TGM5: variants seen among roughly 807,000 people sequenced by gnomAD.
TGM5 encodes transglutaminase 5.
A neutral mutation model predicts 77.2 loss-of-function variants in TGM5; 69 were observed. The ratio of observed to expected loss-of-function variants is 0.89; its 90% confidence interval spans 0.74 to 1.09. The LOEUF is 1.09. TGM5 is among the 50% of genes least tolerant of loss of function. TGM5 has a pLI of 0.00. For synonymous variants in TGM5, 346 were observed against 351.8 expected (o/e 0.98, Z 0.18); for missense variants, 842 against 896.5 (o/e 0.94, Z 0.78).
intron 11 of TGM5, 76 bp downstream of exon 11, chr15:43,234,693 G>T (rs577743459): frequency 6.3e-7 from 1 of 1,586,802 alleles, no homozygotes; most frequent in African/African-American, 1.3e-5. Flanking sequence ...GGCCCAGGCT[G>T]CCCTCTCACA....
rs1187953598 is a variant in TGM5 at position 43,253,621 on chromosome 15, A to AT, written c.568dup (p.Ile190AsnfsTer18). 2.5e-6 allele frequency: 4 copies of AT among 1,613,400 alleles called. No individual in the cohort carries two copies. Among genetic ancestry groups the AT allele is most frequent in the Non-Finnish European group, 1.7e-6 (2 of 1,180,012 alleles). ...TAGCAGCTTCAGGCAGATGTCTATG[A>AT]TTTTGTCTTCAAACTTCGGGGGGAG... On this transcript the variant is annotated frameshift_variant, in exon 5 of 13. Coordinates refer to ENST00000220420, the MANE Select transcript of TGM5 (RefSeq NM_201631.4). LOFTEE classifies it high-confidence loss of function.
In TGM5 at chr15:43,241,105, G is replaced by C. The variant is rs139267808; in HGVS notation, c.863-115C>G. 87 of 1,363,646 alleles carry C rather than the reference G, an allele frequency of 6.4e-5. 1 individual carries two copies. The South Asian group carries it at 1.1e-3, about 17-fold the overall frequency. 84.5% of individuals were successfully genotyped at this position (1,363,646 alleles called of 1,614,324 possible). A position where few individuals can be genotyped will look rare whatever the true frequency, so the allele number is the denominator to read the frequency against. Reference sequence around the variant, plus strand: ...TTCCATTTGCCATCTGCAGGAACATGCTGGAGCTGTCTGGAACACTGGAAT... The same window carrying C: ...TTCCATTTGCCATCTGCAGGAACATCCTGGAGCTGTCTGGAACACTGGAAT... On this transcript the variant is annotated intron_variant, in intron 6 of 12. Coordinates refer to ENST00000220420, the MANE Select transcript of TGM5 (RefSeq NM_201631.4).
Position 43,233,449 on chromosome 15 carries a change from C to T in TGM5, c.2009+105G>A, listed in dbSNP as rs2042561925. ...GTGGGAGGGAGTGCTTCCACTTTCCCTTCCCCGGTGTTGTGGAGTCTGGCT... is the reference window on the plus strand; with the variant it reads ...GTGGGAGGGAGTGCTTCCACTTTCCTTTCCCCGGTGTTGTGGAGTCTGGCT... On this transcript the variant is annotated intron_variant, in intron 12 of 12. Transcript: ENST00000220420. The T allele has an allele frequency of 5.6e-6, 9 of 1,611,986 alleles. No individual in the cohort carries two copies. In the South Asian group the frequency reaches 9.9e-5, roughly 18 times the overall value.
intron 6 of TGM5, among the ~76,000 whole-genome samples, chr15:43,246,790 A>G (rs2042672393): frequency 6.6e-6 from 1 of 152,214 alleles, no homozygotes; most frequent in South Asian, 2.1e-4. Flanking sequence ...ATGAAATTCC[A>G]GGAGGCCAGA....
At chr15:43,238,294 C>T (rs1174704668) in intron 9 of TGM5, among the ~76,000 whole-genome samples, 1 of 152,136 alleles carries the variant, frequency 6.6e-6, no homozygotes, top group Non-Finnish European at 1.5e-5. Flanking sequence ...TCTCAATGTC[C>T]AGGCATTCAT....
intron 3 of TGM5, among the ~76,000 whole-genome samples, chr15:43,258,875 T>TA (rs2042763579): frequency 6.6e-6 from 1 of 151,814 alleles, no homozygotes. Context: ...GAGAGAGAGA[T>TA]ACGAGACAGA....
chr15:43,259,086 G>A (rs879319109), intron 3 of TGM5, among the ~76,000 whole-genome samples: 7 of 152,130 alleles, frequency 4.6e-5, no homozygotes, highest in Non-Finnish European at 8.8e-5. Flanking sequence ...TAGAAAGAGA[G>A]GGAAGATGGG....
rs530188 is a variant in TGM5, at chr15:43,253,116, C to T, written c.685-180G>A. Reference sequence around the variant, plus strand: ...GGATGGGGGTTGACTCTTCTGACTTCTGCTCCACTGTGAATTAGTTTATTA... The same window carrying T: ...GGATGGGGGTTGACTCTTCTGACTTTTGCTCCACTGTGAATTAGTTTATTA... On this transcript the variant is annotated intron_variant, in intron 5 of 12. Transcript: ENST00000220420. Among the ~76,000 whole-genome samples the T allele has an allele frequency of 0.48, 72,369 of 152,016 alleles. 22,026 individuals are homozygous for T. The highest frequency in any genetic ancestry group is 0.87 in the African/African-American group (35,895 of 41,446).
In TGM5 at chr15:43,260,438, T is replaced by C; in HGVS notation, c.152A>G (p.Gln51Arg). ...GAAGATGATGTTGTCCAGGCCTGGC[T>C]GGAAGCTCCGGTTCCTGAAGTACAG... Reference protein sequence around the residue: ...LTLYFRNRSFQPGLDNIIFVV... With the variant: ...LTLYFRNRSFRPGLDNIIFVV... The change falls in exon 2 of 13, where the codon CAG becomes CGG. Residue 51 changes from glutamine (Q) to arginine (R), a missense_variant. This residue lies in a region of TGM5 where 815 missense variants were observed against 844.6 expected (regional missense o/e 0.96). Coordinates refer to ENST00000220420, the MANE Select transcript of TGM5 (RefSeq NM_201631.4). The C allele has an allele frequency of 6.2e-7, 1 of 1,614,200 alleles. No individual in the cohort carries two copies. Among genetic ancestry groups the C allele is most frequent in the Non-Finnish European group, 8.5e-7 (1 of 1,180,034 alleles).
At chr15:43,253,011 G>T in intron 5 of TGM5, 75 bp from the exon 6 acceptor site, 1 of 1,513,328 alleles carries the variant, frequency 6.6e-7, no homozygotes, top group Non-Finnish European at 9.1e-7. Flanking sequence ...TGCCTTGGAA[G>T]ACCCATGGGC....
At chr15:43,265,097 A>G (rs1052667509) in intron 1 of TGM5, among the ~76,000 whole-genome samples, 4 of 152,234 alleles carry the variant, frequency 2.6e-5, no homozygotes, top group African/African-American at 9.6e-5. Context: ...CAGGTACGCT[A>G]GGACAGTTAT....
At position 43,260,513 on chromosome 15, in the gene TGM5, A is replaced by T. The variant is rs554797534; in HGVS notation, c.77T>A (p.Ile26Asn). The change falls in exon 2 of 13, where the codon ATC (isoleucine) becomes AAC (asparagine). Residue 26 changes from isoleucine to asparagine, a missense_variant. Coordinates refer to ENST00000220420, the MANE Select transcript of TGM5 (RefSeq NM_201631.4). ...GCGAACAAGCAGGTGGTCCACAGTG[A>T]TCTCCTCCGTGTGGTGCCGCACATT... is the stretch of plus-strand genomic sequence containing the variant. ...RNNVRHHTEE[I>N]TVDHLLVRRG... 5 of 1,614,110 alleles carry T rather than the reference A, an allele frequency of 3.1e-6. No individual in the cohort carries two copies. The highest frequency in any genetic ancestry group is 1.7e-5 in the Admixed American group (1 of 60,020).
intron 6 of TGM5, 89 bp from the exon 7 acceptor site, chr15:43,241,079 C>A: frequency 6.4e-7 from 1 of 1,552,904 alleles, no homozygotes; most frequent in South Asian, 1.1e-5. Flanking sequence ...CTGGGGAAAT[C>A]TTCCATTTGC....
At chr15:43,234,148 A>T (rs911350361) in intron 11 of TGM5, among the ~76,000 whole-genome samples, 10 of 152,208 alleles carry the variant, frequency 6.6e-5, no homozygotes, top group Non-Finnish European at 1.3e-4. Flanking sequence ...CTAAGATGCC[A>T]CAAAAGCCCA....
intron 6 of TGM5, among the ~76,000 whole-genome samples, chr15:43,242,462 CT>C (rs751046313): frequency 5.3e-4 from 81 of 152,340 alleles, no homozygotes; most frequent in Non-Finnish European, 9.7e-4. Flanking sequence ...CCCCCCTCCC[CT>C]GGGACATATT....
intron 3 of TGM5, among the ~76,000 whole-genome samples, chr15:43,259,609 A>G (rs1352196217): frequency 6.6e-6 from 1 of 152,222 alleles, no homozygotes; most frequent in Non-Finnish European, 1.5e-5. Flanking sequence ...ATGGAATCTG[A>G]AAGAATAGAA....
At chr15:43,256,520 C>T (rs777501970) in intron 4 of TGM5, 48 bp downstream of exon 4, 5 of 1,454,878 alleles carry the variant, frequency 3.4e-6, no homozygotes, top group Non-Finnish European at 3.9e-6. Context: ...GCTCCCTCTC[C>T]CCACAAGCTC....
chr15:43,251,804 C>T (rs2042705521), intron 6 of TGM5, among the ~76,000 whole-genome samples: 1 of 152,222 alleles, frequency 6.6e-6, no homozygotes, highest in Non-Finnish European at 1.5e-5. Flanking sequence ...CCTCTTGTCA[C>T]CCACAAACCA....
At chr15:43,249,527 G>C (rs2042690591) in intron 6 of TGM5, among the ~76,000 whole-genome samples, 2 of 152,158 alleles carry the variant, frequency 1.3e-5, no homozygotes, top group South Asian at 4.1e-4. Context: ...ACACTATGTG[G>C]CTTTTTCACA....
Sources: gnomAD v4.1 joint callset for allele counts (sites outside exome capture counted in the v4.1 genomes callset) on GRCh38, gnomAD v4.1.1 for gene constraint, gnomAD v4.1.1 regional missense constraint, MANE v1.5 for transcripts, NCBI Gene and HGNC (gene_info 2026-07-23, HGNC 2026-07-21) for gene names.